The following CIRSR variants were observed in gnomAD, a reference collection of about 807,000 sequenced individuals.
CIRSR encodes the protein CBF1 (RBPJ) interacting corepressor 1.
chr2:174,374,518 G>C, the CIRSR span, among the ~76,000 whole-genome samples: 1 of 151,706 alleles, frequency 6.6e-6, no homozygotes, highest in African/African-American at 2.4e-5. Context: ...TACAGAATTG[G>C]CAAATACAAT....
chr2:174,349,058 G>C, the CIRSR span: 32 of 1,592,050 alleles, frequency 2.0e-5, no homozygotes, highest in African/African-American at 3.7e-4. Context: ...AGGAGGAGGA[G>C]GAGGAAGATG....
chr2:174,365,968 G>A, the CIRSR span, among the ~76,000 whole-genome samples: 5 of 152,186 alleles, frequency 3.3e-5, no homozygotes, highest in African/African-American at 4.8e-5. Flanking sequence ...GGCTCTAATG[G>A]AAAAACTGGA....
the CIRSR span, among the ~76,000 whole-genome samples, chr2:174,369,324 T>A: frequency 6.6e-6 from 1 of 152,222 alleles, no homozygotes. Context: ...CTTCACAGAG[T>A]TGAAGAGAGT....
the CIRSR span, among the ~76,000 whole-genome samples, chr2:174,376,390 A>G: frequency 6.6e-6 from 1 of 152,192 alleles, no homozygotes; most frequent in African/African-American, 2.4e-5. Flanking sequence ...ATCCTGAAAA[A>G]GTTCATTTTA....
the CIRSR span, chr2:174,381,828 A>G: frequency 1.6e-6 from 2 of 1,252,708 alleles, no homozygotes; most frequent in Admixed American, 2.3e-5. Flanking sequence ...AAAAAAAAAA[A>G]TTATAGAATA....
the CIRSR span, among the ~76,000 whole-genome samples, chr2:174,349,564 TAAAA>T: frequency 1.0e-4 from 11 of 105,100 alleles, no homozygotes; most frequent in African/African-American, 6.9e-5. Flanking sequence ...GACTCTGTCT[TAAAA>T]AAAAAAAAAA....
chr2:174,369,956 G>T, the CIRSR span: 1 of 1,362,350 alleles, frequency 7.3e-7, no homozygotes, highest in South Asian at 1.2e-5. Flanking sequence ...TGGAAAACTG[G>T]TGCTGATAGA....
At chr2:174,372,261 C>A in the CIRSR span, among the ~76,000 whole-genome samples, 2 of 152,088 alleles carry the variant, frequency 1.3e-5, no homozygotes, top group South Asian at 4.1e-4. Flanking sequence ...ATGTAATGTA[C>A]CTTCACTAAT....
At chr2:174,384,283 A>G in the CIRSR span, among the ~76,000 whole-genome samples, 4 of 152,372 alleles carry the variant, frequency 2.6e-5, no homozygotes, top group East Asian at 7.7e-4. Context: ...AGGAACAAAT[A>G]TATGATTCAA....
At chr2:174,389,995 T>C in the CIRSR span, among the ~76,000 whole-genome samples, 2 of 152,216 alleles carry the variant, frequency 1.3e-5, no homozygotes, top group Non-Finnish European at 2.9e-5. Context: ...TGGAACCCTC[T>C]TGGAGAACCT....
chr2:174,395,648 G>C, the CIRSR span: 6 of 1,614,082 alleles, frequency 3.7e-6, no homozygotes, highest in African/African-American at 1.3e-5. Context: ...AGGGAAAGCA[G>C]GGGCTAGATC....
At chr2:174,394,479 C>A in the CIRSR span, among the ~76,000 whole-genome samples, 81 of 152,250 alleles carry the variant, frequency 5.3e-4, no homozygotes, top group East Asian at 1.4e-3. Flanking sequence ...TGTTCCAGAT[C>A]CTAGTTCTGG....
the CIRSR span, among the ~76,000 whole-genome samples, chr2:174,379,281 C>T: frequency 5.3e-5 from 8 of 152,184 alleles, no homozygotes; most frequent in African/African-American, 1.9e-4. Flanking sequence ...AATATAATGT[C>T]ATCCAAAAAG....
chr2:174,380,664 C>G, the CIRSR span: 2 of 1,611,974 alleles, frequency 1.2e-6, no homozygotes, highest in Admixed American at 1.7e-5. Context: ...TCTCGTGGGG[C>G]TCCTTTCTGC....
At chr2:174,356,568 GAGAA>G in the CIRSR span, among the ~76,000 whole-genome samples, 3 of 125,906 alleles carry the variant, frequency 2.4e-5, no homozygotes, top group African/African-American at 3.3e-5. Context: ...AGAAAGAAAG[GAGAA>G]AGAAAGGAAA....
chr2:174,391,577 G>A, the CIRSR span, among the ~76,000 whole-genome samples: 1 of 152,128 alleles, frequency 6.6e-6, no homozygotes. Flanking sequence ...GCAACAGAGT[G>A]AGCCTCCATC....
chr2:174,362,305 C>T, the CIRSR span, among the ~76,000 whole-genome samples: 1 of 150,142 alleles, frequency 6.7e-6, no homozygotes, highest in Non-Finnish European at 1.5e-5. Context: ...GACCTTTTCT[C>T]AACAAAAACA....
the CIRSR span, chr2:174,349,048 A>G: frequency 1.3e-6 from 2 of 1,501,440 alleles, no homozygotes; most frequent in Admixed American, 1.9e-5. Context: ...GTAGAGGAAG[A>G]GGAGGAGGAG....
the CIRSR span, among the ~76,000 whole-genome samples, chr2:174,389,784 T>C: frequency 6.6e-6 from 1 of 152,158 alleles, no homozygotes; most frequent in South Asian, 2.1e-4. Context: ...GTACAACCTT[T>C]GGTCTTCGTG....
Sources: allele counts gnomAD v4.1 joint callset (sites outside exome capture counted in the v4.1 genomes callset), GRCh38; gene constraint gnomAD v4.1.1; transcripts MANE v1.5; gene names NCBI Gene and HGNC (gene_info 2026-07-23, HGNC 2026-07-21).